PPP3CA: variants seen among roughly 807,000 people sequenced by gnomAD.
PPP3CA encodes the protein protein phosphatase 3 catalytic subunit alpha, also known as CAM-PRP catalytic subunit.
PPP3CA carries 14 observed loss-of-function variants against 66.5 expected under a neutral mutation model. The observed-to-expected ratio is 0.21, with a 90% CI of 0.14 to 0.33. The LOEUF (loss-of-function observed/expected upper bound fraction) is 0.33. Ranked by LOEUF, PPP3CA falls within the 10% of genes least tolerant of loss-of-function variation. The pLI is 1.00. For missense variants in PPP3CA, 317 were observed against 639.5 expected (o/e 0.50, Z 5.44); for synonymous variants, 232 against 226.2 (o/e 1.03, Z -0.23).
At chr4:101,209,372 A>AG (rs1725233555) in intron 1 of PPP3CA, among the ~76,000 whole-genome samples, 1 of 152,198 alleles carries the variant, frequency 6.6e-6, no homozygotes, top group Admixed American at 6.6e-5. Flanking sequence ...TACATAGCCA[A>AG]GGGGGACCCA....
intron 2 of PPP3CA, among the ~76,000 whole-genome samples, chr4:101,185,448 T>A (rs567626589): frequency 9.2e-5 from 14 of 152,186 alleles, no homozygotes; most frequent in East Asian, 1.9e-4. Flanking sequence ...CTTCTAAAGC[T>A]AAACTTTTGA....
intron 2 of PPP3CA, among the ~76,000 whole-genome samples, chr4:101,130,649 T>C (rs1331550475): frequency 6.6e-6 from 1 of 151,422 alleles, no homozygotes; most frequent in Non-Finnish European, 1.5e-5. Flanking sequence ...TCCAGCCTCA[T>C]AAATGAAGGA....
chr4:101,248,629 T>C (rs1726568511), intron 1 of PPP3CA, among the ~76,000 whole-genome samples: 1 of 152,190 alleles, frequency 6.6e-6, no homozygotes, highest in Admixed American at 6.5e-5. Flanking sequence ...ATCAATACTG[T>C]TGATAAAACA....
chr4:101,212,703 TAGG>T (rs1476259974), intron 1 of PPP3CA, among the ~76,000 whole-genome samples: 13 of 152,086 alleles, frequency 8.5e-5, no homozygotes, highest in African/African-American at 3.1e-4. Context: ...CATGGGCAAA[TAGG>T]AGAATTTTAT....
At chr4:101,293,857 AT>A (rs532355729) in intron 1 of PPP3CA, among the ~76,000 whole-genome samples, 2 of 151,788 alleles carry the variant, frequency 1.3e-5, no homozygotes, top group African/African-American at 4.8e-5. Flanking sequence ...TTGTTTGCTT[AT>A]TTTTTTTCTC....
At chr4:101,152,054 A>G (rs1452809171) in intron 2 of PPP3CA, among the ~76,000 whole-genome samples, 1 of 152,236 alleles carries the variant, frequency 6.6e-6, no homozygotes, top group Non-Finnish European at 1.5e-5. Flanking sequence ...AGTATGGTGC[A>G]GATTTGAGTT....
At chr4:101,087,237 T>C (rs1315443700) in intron 6 of PPP3CA, among the ~76,000 whole-genome samples, 1 of 152,180 alleles carries the variant, frequency 6.6e-6, no homozygotes, top group Non-Finnish European at 1.5e-5. Flanking sequence ...TTTTGTCCAA[T>C]GGGGATCAAG....
intron 2 of PPP3CA, among the ~76,000 whole-genome samples, chr4:101,122,373 G>A (rs2110274245): frequency 6.6e-6 from 1 of 152,256 alleles, no homozygotes; most frequent in African/African-American, 2.4e-5. Context: ...GGATTTCCAT[G>A]TAAGAGCTCT....
At chr4:101,220,909 G>T (rs1308489873) in intron 1 of PPP3CA, among the ~76,000 whole-genome samples, 5 of 151,664 alleles carry the variant, frequency 3.3e-5, no homozygotes, top group African/African-American at 1.2e-4. Context: ...GAAACAGATT[G>T]TCCTATTTGA....
chr4:101,097,463 T>A (rs1465381952), intron 5 of PPP3CA, among the ~76,000 whole-genome samples: 1 of 152,096 alleles, frequency 6.6e-6, no homozygotes, highest in East Asian at 1.9e-4. Context: ...TGGGCACAAA[T>A]TTTCAATAAC....
chr4:101,026,183 A>G (rs1578383046), intron 13 of PPP3CA, 122 bp from the exon 14 acceptor site: 3 of 784,598 alleles, frequency 3.8e-6, no homozygotes, highest in Non-Finnish European at 2.0e-6. Flanking sequence ...AGTGAAGAAC[A>G]AAGTGACGGG....
intron 11 of PPP3CA, among the ~76,000 whole-genome samples, chr4:101,035,285 AAAAC>A (rs1242548344): frequency 6.6e-6 from 1 of 151,284 alleles, no homozygotes; most frequent in Non-Finnish European, 1.5e-5. Flanking sequence ...ACAAAACAAA[AAAAC>A]AAAACCCCCC....
At chr4:101,277,523 T>C (rs1391555800) in intron 1 of PPP3CA, among the ~76,000 whole-genome samples, 2 of 152,318 alleles carry the variant, frequency 1.3e-5, no homozygotes, top group African/African-American at 2.4e-5. Context: ...ATTCAGATAA[T>C]ATAGTATGCA....
intron 2 of PPP3CA, among the ~76,000 whole-genome samples, chr4:101,147,907 T>C (rs1394443897): frequency 2.0e-5 from 3 of 152,166 alleles, no homozygotes; most frequent in Non-Finnish European, 2.9e-5. Context: ...ATGAGGGAAA[T>C]TGAGTAACTC....
At chr4:101,062,389 G>C (rs1728501591) in intron 9 of PPP3CA, among the ~76,000 whole-genome samples, 1 of 150,146 alleles carries the variant, frequency 6.7e-6, no homozygotes, top group South Asian at 2.1e-4. Context: ...AACCATTAGG[G>C]TTTCAGAAAA....
At chr4:101,342,760 A>C (rs1035771989) in intron 1 of PPP3CA, among the ~76,000 whole-genome samples, 1 of 152,174 alleles carries the variant, frequency 6.6e-6, no homozygotes, top group Non-Finnish European at 1.5e-5. Flanking sequence ...CTCTTCCTGG[A>C]ACACCACAAA....
At position 101,229,154 on chromosome 4, in the gene PPP3CA, G is replaced by C. The variant is rs17030951; in HGVS notation, c.59-33038C>G. ...GTACAAGAACACAAAACATTTTTTA[G>C]GGACCAATCGAAAAAGAATTCAATA... On this transcript the variant is annotated intron_variant, in intron 1 of 13. Coordinates refer to ENST00000394854, the MANE Select transcript of PPP3CA (RefSeq NM_000944.5). Among the ~76,000 whole-genome samples the C allele has an allele frequency of 6.4e-3, 977 of 151,592 alleles. 9 individuals are homozygous for C. The highest frequency in any genetic ancestry group is 0.023 in the African/African-American group (933 of 41,440).
At chr4:101,106,467 A>G (rs1433379070) in intron 3 of PPP3CA, among the ~76,000 whole-genome samples, 3 of 49,952 alleles carry the variant, frequency 6.0e-5, no homozygotes, top group African/African-American at 4.9e-4. Flanking sequence ...AAAGAAAAGA[A>G]AAGAAAAGAA....
intron 1 of PPP3CA, among the ~76,000 whole-genome samples, chr4:101,275,595 A>G (rs1727464712): frequency 6.6e-6 from 1 of 152,238 alleles, no homozygotes; most frequent in South Asian, 2.1e-4. Flanking sequence ...ACATACTTGC[A>G]TTTTTAACAT....
Sources: allele counts gnomAD v4.1 joint callset (sites outside exome capture counted in the v4.1 genomes callset), GRCh38; gene constraint gnomAD v4.1.1; transcripts MANE v1.5; gene names NCBI Gene and HGNC (gene_info 2026-07-23, HGNC 2026-07-21).